CLDN18: variants seen among roughly 807,000 people sequenced by gnomAD.
CLDN18 encodes the protein claudin 18.
A neutral mutation model predicts 25.0 loss-of-function variants in CLDN18; 20 were observed. The observed-to-expected ratio is 0.80, with a 90% confidence interval of 0.56 to 1.16. The LOEUF (loss-of-function observed/expected upper bound fraction) is 1.16. Ranked by LOEUF, CLDN18 falls within the 50% of genes most tolerant of loss-of-function variation. CLDN18 has a pLI of 0.00. For synonymous variants in CLDN18, 125 were observed against 135.6 expected (o/e 0.92, Z 0.54); for missense variants, 297 against 345.4 (o/e 0.86, Z 1.11).
rs1298797714 is a variant in CLDN18 at position 138,032,702 on chromosome 3, C to T, written c.*1561C>T. The T allele has an allele frequency of 6.6e-6, 1 of 152,140 alleles. No individual in the cohort carries two copies. Among genetic ancestry groups the T allele is most frequent in the Non-Finnish European group, 1.5e-5 (1 of 68,058 alleles). The allele number at this position is 152,140 out of a possible 1,614,324, so 9.4% of individuals were successfully genotyped here. ...CAAGCAATTCTTCTACCCTGGCCTCCCAAGTAGCTGGAATTACAGGTGTGC... is the reference window on the plus strand; with the variant it reads ...CAAGCAATTCTTCTACCCTGGCCTCTCAAGTAGCTGGAATTACAGGTGTGC... On this transcript the variant is annotated 3_prime_UTR_variant, in exon 5 of 5. Coordinates refer to ENST00000183605, the MANE Select transcript of CLDN18 (RefSeq NM_016369.4).
intron 3 of CLDN18, 31 bp from the exon 4 acceptor site, chr3:138,029,766 C>A (rs1273464243): frequency 1.5e-6 from 2 of 1,351,346 alleles, no homozygotes; most frequent in Non-Finnish European, 2.0e-6. Flanking sequence ...GTTGAGTCAA[C>A]CATATTGACA....
intron 1 of CLDN18, among the ~76,000 whole-genome samples, chr3:138,021,562 A>G (rs919733611): frequency 6.6e-6 from 1 of 152,246 alleles, no homozygotes; most frequent in Non-Finnish European, 1.5e-5. Flanking sequence ...AAGAGTTGGA[A>G]TAACAGGTTA....
chr3:138,028,053 T>C (rs1942346006), intron 3 of CLDN18, among the ~76,000 whole-genome samples: 1 of 151,748 alleles, frequency 6.6e-6, no homozygotes, highest in Admixed American at 6.6e-5. Context: ...CCTGCTAAAG[T>C]GTGTGTGCTT....
intron 1 of CLDN18, among the ~76,000 whole-genome samples, chr3:138,012,148 A>G (rs1011970481): frequency 1.3e-5 from 2 of 152,100 alleles, no homozygotes; most frequent in Admixed American, 6.5e-5. Context: ...GATCCTGATC[A>G]TTGTCAAGTT....
At chr3:138,003,594 G>T (rs951705506) in intron 1 of CLDN18, among the ~76,000 whole-genome samples, 2 of 152,090 alleles carry the variant, frequency 1.3e-5, no homozygotes, top group Non-Finnish European at 2.9e-5. Context: ...TAAATATTTG[G>T]CAAAATCAAA....
At chr3:138,004,128 T>C (rs1942044528) in intron 1 of CLDN18, among the ~76,000 whole-genome samples, 1 of 152,090 alleles carries the variant, frequency 6.6e-6, no homozygotes, top group Non-Finnish European at 1.5e-5. Flanking sequence ...GGGCCAAGAT[T>C]GCACCACTGC....
rs868737143 is a variant in CLDN18 at position 138,017,164 on chromosome 3, T to C, written c.221-6494T>C. Reference sequence around the variant, plus strand: ...GTCTACATCACTCGGGGCTCTCAGTTAGGACATTTGTTCTTCTAGCCTTTT... The same window carrying C: ...GTCTACATCACTCGGGGCTCTCAGTCAGGACATTTGTTCTTCTAGCCTTTT... On this transcript the variant is annotated intron_variant, in intron 1 of 4. Coordinates refer to ENST00000183605, the MANE Select transcript of CLDN18 (RefSeq NM_016369.4). 5.9e-5 allele frequency among the ~76,000 whole-genome samples: 9 copies of C among 152,176 alleles called. No individual in the cohort carries two copies. In the South Asian group the frequency reaches 1.9e-3, roughly 31 times the overall value.
chr3:138,026,187 C>T (rs1192438662), intron 3 of CLDN18, among the ~76,000 whole-genome samples: 2 of 152,176 alleles, frequency 1.3e-5, no homozygotes, highest in Admixed American at 1.3e-4. Flanking sequence ...CCCCCTCCTT[C>T]TCCTGTTCCC....
rs144886047 is a variant in CLDN18, at chr3:138,023,701, C to A, written c.264C>A (p.Val88=). 1.1e-4 allele frequency: 181 copies of A among 1,614,100 alleles called. 1 individual carries two copies. In the East Asian group the frequency reaches 2.9e-3, roughly 26 times the overall value. Residue 88 remains valine (V), a synonymous_variant, in exon 2 of 5, where the codon GTC becomes GTA. Coordinates refer to ENST00000183605, the MANE Select transcript of CLDN18 (RefSeq NM_016369.4). ...GAGCCCTGATGATCGTAGGCATCGT[C>A]CTGGGTGCCATTGGCCTCCTGGTAT... ...AVRALMIVGI[V]LGAIGLLVSI...
chr3:137,999,378 A>G (rs915838307), intron 1 of CLDN18, among the ~76,000 whole-genome samples: 1 of 152,156 alleles, frequency 6.6e-6, no homozygotes, highest in Non-Finnish European at 1.5e-5. Flanking sequence ...CATAGTCTCA[A>G]TCACCCATAG....
chr3:138,005,386 G>A (rs35036302), upstream of CLDN18, among the ~76,000 whole-genome samples: 21 of 145,376 alleles, frequency 1.4e-4, no homozygotes, highest in African/African-American at 5.2e-4. Context: ...ATCCCTCCCC[G>A]TGCCACCCAC....
intron 1 of CLDN18, among the ~76,000 whole-genome samples, chr3:138,018,583 G>A (rs541730084): frequency 1.9e-4 from 29 of 152,064 alleles, no homozygotes; most frequent in South Asian, 1.0e-3. Flanking sequence ...TGATCCGCCC[G>A]CCTCGGCCTC....
chr3:138,003,454 C>T (rs145034769), intron 1 of CLDN18, among the ~76,000 whole-genome samples: 117 of 152,242 alleles, frequency 7.7e-4, no homozygotes, highest in African/African-American at 2.5e-3. Context: ...TGGAAAATCA[C>T]AGTGGCACGA....
upstream of CLDN18, chr3:138,010,132 T>C (rs1211395573): frequency 1.3e-6 from 2 of 1,500,750 alleles, no homozygotes; most frequent in East Asian, 4.9e-5. Context: ...ACCATCTGAT[T>C]AGAAGAGCTC....
At chr3:138,017,548 T>C (rs191150092) in intron 1 of CLDN18, among the ~76,000 whole-genome samples, 7 of 152,260 alleles carry the variant, frequency 4.6e-5, no homozygotes, top group Admixed American at 4.6e-4. Flanking sequence ...GGGAAAAAAA[T>C]GAGACTTCTC....
At chr3:138,028,801 C>A (rs964217777) in intron 3 of CLDN18, among the ~76,000 whole-genome samples, 1 of 152,154 alleles carries the variant, frequency 6.6e-6, no homozygotes, top group African/African-American at 2.4e-5. Context: ...AGGCAGCCCC[C>A]CTAGGCAAAG....
chr3:138,011,200 T>C (rs1942133783), intron 1 of CLDN18, among the ~76,000 whole-genome samples: 1 of 152,146 alleles, frequency 6.6e-6, no homozygotes, highest in African/African-American at 2.4e-5. Context: ...ATTTTTAAAA[T>C]GCAAACAAGA....
chr3:138,019,451 C>A (rs1003222287), intron 1 of CLDN18, among the ~76,000 whole-genome samples: 1 of 152,168 alleles, frequency 6.6e-6, no homozygotes, highest in East Asian at 1.9e-4. Context: ...GAAGGTATGG[C>A]TCCTCCCATC....
At chr3:138,028,579 A>G (rs921693980) in intron 3 of CLDN18, among the ~76,000 whole-genome samples, 12 of 152,226 alleles carry the variant, frequency 7.9e-5, no homozygotes, top group Non-Finnish European at 2.9e-5. Flanking sequence ...CTCCTTTTCC[A>G]TGCTGAGCTC....
Sources: gnomAD v4.1 joint callset for allele counts (sites outside exome capture counted in the v4.1 genomes callset) on GRCh38, gnomAD v4.1.1 for gene constraint, MANE v1.5 for transcripts, NCBI Gene and HGNC (gene_info 2026-07-23, HGNC 2026-07-21) for gene names.